The following SH2B1 variants were observed in gnomAD, a reference collection of about 807,000 sequenced individuals.
The protein encoded by SH2B1 is SH2B adaptor protein 1, also known as SH2B adapter protein 1.
In SH2B1, 15 loss-of-function variants were observed where a neutral mutation model predicts 62.6. That is an observed-to-expected ratio of 0.24 (90% CI 0.16 to 0.37). The LOEUF is 0.37. SH2B1 is among the 10% of genes least tolerant of loss of function. The probability of loss-of-function intolerance (pLI) is 1.00; values close to 1 mark genes in which losing one functional copy is unlikely to be tolerated. For missense variants in SH2B1, 925 were observed against 1,015.6 expected, an observed-to-expected ratio of 0.91 and a Z score of 1.21; for synonymous variants, 443 against 438.0, an observed-to-expected ratio of 1.01 and a Z score of -0.14.
chr16:28,868,915 G>A (rs1962879435), intron 2 of SH2B1, 91 bp from the exon 3 acceptor site: 4 of 984,094 alleles, frequency 4.1e-6, no homozygotes, highest in Middle Eastern at 2.7e-4. Context: ...CATCTTGTTT[G>A]TAGACAGCCT....
chr16:28,867,238 G>T, intron 1 of SH2B1, 93 bp from the exon 2 acceptor site: 2 of 1,259,492 alleles, frequency 1.6e-6, no homozygotes, highest in South Asian at 1.2e-5. Flanking sequence ...CTAACTTCCC[G>T]AGGATGTAGA....
intron 2 of SH2B1, among the ~76,000 whole-genome samples, chr16:28,867,924 GT>G (rs1962815018): frequency 6.6e-6 from 1 of 152,150 alleles, no homozygotes; most frequent in Admixed American, 6.5e-5. Context: ...TGCCTCCCAG[GT>G]TCAAGCGATT....
upstream of SH2B1, among the ~76,000 whole-genome samples, chr16:28,859,357 T>G (rs898906513): frequency 5.3e-5 from 8 of 152,184 alleles, no homozygotes; most frequent in Non-Finnish European, 1.0e-4. Context: ...TTAAGCCCAG[T>G]ACCCAACAGA....
rs949079483 is a variant in SH2B1 at position 28,864,819 on chromosome 16, T to G, written c.-1276T>G. 4 of 307,312 alleles carry G rather than the reference T, an allele frequency of 1.3e-5. No individual in the cohort carries two copies. The highest frequency in any genetic ancestry group is 1.4e-5 in the Non-Finnish European group (3 of 210,386). 19.0% of individuals were successfully genotyped at this position (307,312 alleles called of 1,614,324 possible). A position where few individuals can be genotyped will look rare whatever the true frequency, so the allele number is the denominator to read the frequency against. Reference sequence around the variant, plus strand: ...TTAGAAAATTGGAACAATAATATTCTTCTCCCACATGAAGATAGTAACAAT... The same window carrying G: ...TTAGAAAATTGGAACAATAATATTCGTCTCCCACATGAAGATAGTAACAAT... On this transcript the variant is annotated 5_prime_UTR_variant, in exon 1 of 8. Coordinates refer to ENST00000684370, the MANE Select transcript of SH2B1 (RefSeq NM_001387430.1).
At chr16:28,868,119 C>T (rs1307447787) in intron 2 of SH2B1, among the ~76,000 whole-genome samples, 2 of 151,952 alleles carry the variant, frequency 1.3e-5, no homozygotes, top group Non-Finnish European at 2.9e-5. Context: ...AGCCACTGTG[C>T]CTGGCCTTAT....
In SH2B1 at chr16:28,872,318, T is replaced by G. The variant is rs777066801; in HGVS notation, c.1642T>G (p.Ser548Ala). 2.5e-6 allele frequency: 4 copies of G among 1,613,890 alleles called. No individual in the cohort carries two copies. Among genetic ancestry groups the G allele is most frequent in the Non-Finnish European group, 3.4e-6 (4 of 1,179,836 alleles). ...AQLVLTGGTG[S>A]HGVFLVRQSE... ...GTTGGTGCTGACTGGCGGCACTGGC[T>G]CCCACGGTGTCTTCCTGGTGCGCCA... is the stretch of plus-strand genomic sequence containing the variant. The change falls in exon 6 of 8, where the codon TCC becomes GCC. Residue 548 changes from serine (S) to alanine (A), a missense_variant. Physicochemically the swap from Ser to Ala is moderately conservative, Grantham distance 99. Around this residue, in one of 3 missense-constraint regions of SH2B1, gnomAD observed 57 missense variants for 122.1 expected, o/e 0.47. Coordinates refer to ENST00000684370, the MANE Select transcript of SH2B1 (RefSeq NM_001387430.1). The surrounding 1 kb of genome is among the most constrained non-coding windows in gnomAD (Gnocchi z 5.3).
Position 28,865,008 on chromosome 16 carries a change from A to C in SH2B1, c.-1087A>C. ...ATTTGTTCAAGATAACATCGCTCAT[A>C]AGGTGGCTGGACTGGGTGCTCATAA... On this transcript the variant is annotated 5_prime_UTR_variant, in exon 1 of 8. Coordinates refer to ENST00000684370, the MANE Select transcript of SH2B1 (RefSeq NM_001387430.1). 2.6e-6 allele frequency: 2 copies of C among 762,094 alleles called. No individual in the cohort carries two copies. Among genetic ancestry groups the C allele is most frequent in the Non-Finnish European group, 3.2e-6 (2 of 626,278 alleles). 47.2% of individuals were successfully genotyped at this position (762,094 alleles called of 1,614,324 possible). A position where few individuals can be genotyped will look rare whatever the true frequency, so the allele number is the denominator to read the frequency against.
chr16:28,868,988 G>C lies in SH2B1; in HGVS notation c.1042-18G>C. Reference sequence around the variant, plus strand: ...TCCCTGCCCCTGCCCCAGCTGAGGCGTCGTCTCATCTCTGTAGGTGGAAGG... The same window carrying C: ...TCCCTGCCCCTGCCCCAGCTGAGGCCTCGTCTCATCTCTGTAGGTGGAAGG... On this transcript the variant is annotated intron_variant, in intron 2 of 7. Transcript: ENST00000684370. The C allele has an allele frequency of 6.2e-7, 1 of 1,603,032 alleles. No individual in the cohort carries two copies. Among genetic ancestry groups the C allele is most frequent in the Non-Finnish European group, 8.5e-7 (1 of 1,169,922 alleles).
At chr16:28,849,244 C>A (rs1299611136) in intron 1 of SH2B1, among the ~76,000 whole-genome samples, 1 of 152,134 alleles carries the variant, frequency 6.6e-6, no homozygotes, top group Non-Finnish European at 1.5e-5. Context: ...TACAAGCATA[C>A]ACCACCACAC....
At chr16:28,863,348 A>T, upstream of SH2B1, 1 of 247,814 alleles carries the variant, frequency 4.0e-6, no homozygotes, top group South Asian at 6.2e-5. Flanking sequence ...CCAAGGTCGT[A>T]AGTTCAGGCT....
rs191456402 is a variant in SH2B1 at position 28,848,659 on chromosome 16, C to T, written c.-301+1832C>T. On this transcript the variant is annotated intron_variant, in intron 1 of 10. Transcript: ENST00000322610. ...ACTAAACCCCAAAAAGTGTGCACAC[C>T]GCACTGTCCTTTTTTTTTTTTTTTT... Among the ~76,000 whole-genome samples the T allele has an allele frequency of 6.3e-3, 932 of 147,414 alleles. 4 individuals carry two copies. The highest frequency in any genetic ancestry group is 0.011 in the Non-Finnish European group (741 of 67,274).
At position 28,864,025 on chromosome 16, in the gene SH2B1, T is replaced by G; in HGVS notation, c.-2070T>G. ...CGGCCCTGGCGCCCGAGAGGATTCC[T>G]GGGTGGGGGTGGGCGTGGAGGGCCG... On this transcript the variant is annotated 5_prime_UTR_variant, in exon 1 of 8. Transcript: ENST00000684370. 200 of 1,277,736 alleles carry G rather than the reference T, an allele frequency of 1.6e-4. No homozygotes were observed. The highest frequency in any genetic ancestry group is 7.4e-4 in the East Asian group (19 of 25,746). 79.1% of individuals were successfully genotyped at this position (1,277,736 alleles called of 1,614,324 possible). A position where few individuals can be genotyped will look rare whatever the true frequency, so the allele number is the denominator to read the frequency against.
intron 2 of SH2B1, among the ~76,000 whole-genome samples, chr16:28,868,343 A>G (rs1288574913): frequency 4.0e-5 from 6 of 148,958 alleles, no homozygotes; most frequent in Non-Finnish European, 7.4e-5. Context: ...GGTTTCACCA[A>G]GTTAGCTAGG....
chr16:28,866,626 C>T lies in SH2B1; in HGVS notation c.532C>T (p.Pro178Ser), dbSNP rs1962721391. The T allele has an allele frequency of 6.2e-6, 10 of 1,613,630 alleles. No individual in the cohort carries two copies. The East Asian group carries it at 8.9e-5, about 14-fold the overall frequency. ...CCTGCAGTGGCGGGGGACCGTTGAC[C>T]CTCCCTCCTCCGCTGGGCCCCTGGA... ...GILQWRGTVD[P>S]PSSAGPLETS... is the part of the protein sequence containing the mutation. Residue 178 changes from proline (P) to serine (S), a missense_variant, in exon 1 of 8, where the codon CCT (proline) becomes TCT (serine). Pro to Ser is a moderately conservative substitution (Grantham distance 74). Around this residue, in one of 3 missense-constraint regions of SH2B1, gnomAD observed 683 missense variants for 704.0 expected, o/e 0.97. Transcript: ENST00000684370. The surrounding 1 kb of genome is among the most constrained non-coding windows in gnomAD (Gnocchi z 6.3).
At chr16:28,858,575 G>C (rs1222157189) in intron 1 of SH2B1, among the ~76,000 whole-genome samples, 1 of 152,054 alleles carries the variant, frequency 6.6e-6, no homozygotes, top group Non-Finnish European at 1.5e-5. Flanking sequence ...CTATGACTCA[G>C]GAAATTCCAA....
chr16:28,870,128 A>G (rs1399729829), intron 4 of SH2B1, among the ~76,000 whole-genome samples: 3 of 152,338 alleles, frequency 2.0e-5, no homozygotes, highest in Admixed American at 6.5e-5. Flanking sequence ...TCTTCTGAGC[A>G]CTGCCTGCCT....
Position 28,864,041 on chromosome 16 carries a change from T to G in SH2B1, c.-2054T>G. On this transcript the variant is annotated 5_prime_UTR_variant, in exon 1 of 8. Coordinates refer to ENST00000684370, the MANE Select transcript of SH2B1 (RefSeq NM_001387430.1). ...GAGGATTCCTGGGTGGGGGTGGGCGTGGAGGGCCGGGGGCTGGAGAGGCAC... is the reference window on the plus strand; with the variant it reads ...GAGGATTCCTGGGTGGGGGTGGGCGGGGAGGGCCGGGGGCTGGAGAGGCAC... 1.5e-6 allele frequency: 2 copies of G among 1,367,872 alleles called. No individual in the cohort carries two copies. The highest frequency in any genetic ancestry group is 9.4e-7 in the Non-Finnish European group (1 of 1,058,384). 84.7% of individuals were successfully genotyped at this position (1,367,872 alleles called of 1,614,324 possible).
At position 28,872,336 on chromosome 16, in the gene SH2B1, G is replaced by GGACACC. The variant is rs1246947609; in HGVS notation, c.1660_1661insGACACC (p.Val554delinsGlyHisLeu). The GGACACC allele has an allele frequency of 6.2e-7, 1 of 1,613,848 alleles. No homozygotes were observed. The highest frequency in any genetic ancestry group is 2.2e-5 in the East Asian group (1 of 44,878). ...CACTGGCTCCCACGGTGTCTTCCTG[G>GGACACC]TGCGCCAGAGTGAGACAAGGCGGGG... On this transcript the variant is annotated protein_altering_variant, in exon 6 of 8. Coordinates refer to ENST00000684370, the MANE Select transcript of SH2B1 (RefSeq NM_001387430.1). This position sits in a 1 kb window ranked among gnomAD's most constrained non-coding sequence, Gnocchi z 5.3.
In SH2B1 at chr16:28,852,786, A is replaced by T. The variant is rs1411292284; in HGVS notation, c.-301+5959A>T. 2.1e-3 allele frequency among the ~76,000 whole-genome samples: 90 copies of T among 42,520 alleles called. 25 individuals carry two copies. The highest frequency in any genetic ancestry group is 3.7e-3 in the Non-Finnish European group (76 of 20,624). 27.9% of individuals were successfully genotyped at this position (42,520 alleles called of 152,430 possible). A position where few individuals can be genotyped will look rare whatever the true frequency, so the allele number is the denominator to read the frequency against. ...TATATATATTTATATATATATTTACATATATATTTACATATATATTTACAT... is the reference window on the plus strand; with the variant it reads ...TATATATATTTATATATATATTTACTTATATATTTACATATATATTTACAT... On this transcript the variant is annotated intron_variant, in intron 1 of 10. Coordinates refer to the SH2B1 transcript ENST00000322610.
Sources: gnomAD v4.1 joint callset for allele counts (sites outside exome capture counted in the v4.1 genomes callset) on GRCh38, gnomAD v4.1.1 for gene constraint, gnomAD v4.1.1 regional missense constraint, Gnocchi (gnomAD v3.1) non-coding constraint, MANE v1.5 for transcripts, NCBI Gene and HGNC (gene_info 2026-07-23, HGNC 2026-07-21) for gene names.